RNF213: variants seen among roughly 807,000 people sequenced by gnomAD.
The protein encoded by RNF213 is ring finger protein 213, also known as E3 ubiquitin-protein ligase RNF213.
Under a neutral mutation model 514.4 loss-of-function variants are expected in RNF213, and 341 were observed. The ratio of observed to expected loss-of-function variants is 0.66; its 90% CI spans 0.61 to 0.73. The LOEUF (loss-of-function observed/expected upper bound fraction) is 0.73, where lower values mean the gene tolerates loss of function less well. RNF213 is among the 30% of genes least tolerant of loss of function. The pLI is 0.00. For missense variants in RNF213, 5,767 were observed against 6,615.6 expected, an observed-to-expected ratio of 0.87 and a Z score of 4.45; for synonymous variants, 2,655 against 2,658.2, an observed-to-expected ratio of 1.00 and a Z score of 0.04.
chr17:80,274,485 T>G (rs2043943589), intron 3 of RNF213, among the ~76,000 whole-genome samples: 1 of 143,630 alleles, frequency 7.0e-6, no homozygotes, highest in Admixed American at 7.1e-5. Flanking sequence ...GCTGTCTTTC[T>G]GTGTCTGCAC....
rs774625268 is a variant in RNF213 at position 80,306,222 on chromosome 17, C to CT, written c.2211-26dup. 3.1e-6 allele frequency: 5 copies of CT among 1,606,192 alleles called. No homozygotes were observed. In the African/African-American group the frequency reaches 5.4e-5, roughly 17 times the overall value. ...TTCCCTCACTGATCTCACTGCGTCTCTTTTCTCCGTCCCTATTTCTCTTAT... is the reference window on the plus strand; with the variant it reads ...TTCCCTCACTGATCTCACTGCGTCTCTTTTTCTCCGTCCCTATTTCTCTTAT... On this transcript the variant is annotated intron_variant, in intron 11 of 67. Transcript: ENST00000582970.
At chr17:80,282,256 T>C (rs10871508) in intron 3 of RNF213, among the ~76,000 whole-genome samples, 62,716 of 151,552 alleles carry the variant, frequency 0.41, 13,258 homozygotes, top group East Asian at 0.49. Context: ...GCGGTGTTGC[T>C]CTTTGTGTTC....
At chr17:80,384,007 G>A (rs748735262) in intron 59 of RNF213, 79 bp downstream of exon 59, 62 of 1,543,740 alleles carry the variant, frequency 4.0e-5, no homozygotes, top group Middle Eastern at 3.7e-4. Context: ...GGGCTTTTAC[G>A]TAGTATAATC....
chr17:80,352,787 C>A, intron 32 of RNF213, 153 bp from the exon 33 acceptor site: 2 of 1,159,940 alleles, frequency 1.7e-6, no homozygotes, highest in Non-Finnish European at 2.6e-6. Flanking sequence ...GTGGTTTCTG[C>A]GCAGGCCCAT....
At chr17:80,371,009 ATTTT>A (rs34235051) in intron 46 of RNF213, among the ~76,000 whole-genome samples, 1 of 151,094 alleles carries the variant, frequency 6.6e-6, no homozygotes, top group Non-Finnish European at 1.5e-5. Flanking sequence ...ATGAATATGG[ATTTT>A]TTTTTTTAAA....
At position 80,393,718 on chromosome 17, in the gene RNF213, CATTTT is replaced by C; in HGVS notation, c.*223_*227del. The C allele has an allele frequency of 1.9e-6, 1 of 537,686 alleles. No individual in the cohort carries two copies. The highest frequency in any genetic ancestry group is 3.4e-6 in the Non-Finnish European group (1 of 297,190). 33.3% of individuals were successfully genotyped at this position (537,686 alleles called of 1,614,324 possible). ...CATACATGTTCTGAAACTTTCTCAT[CATTTT>C]ATGAGTACTGTTCATTGAGAGATGA... On this transcript the variant is annotated 3_prime_UTR_variant, in exon 68 of 68. Coordinates refer to ENST00000582970, the MANE Select transcript of RNF213 (RefSeq NM_001256071.3).
chr17:80,339,086 C>A, intron 25 of RNF213, 115 bp from the exon 26 acceptor site: 9 of 772,000 alleles, frequency 1.2e-5, no homozygotes, highest in South Asian at 4.2e-5. Context: ...GCAGATCATG[C>A]AGTGGGCCTG....
At chr17:80,384,017 C>T in intron 59 of RNF213, 89 bp downstream of exon 59, 1 of 1,486,896 alleles carries the variant, frequency 6.7e-7, no homozygotes, top group Non-Finnish European at 9.4e-7. Context: ...GTAGTATAAT[C>T]ATTCTTAACA....
At position 80,376,365 on chromosome 17, in the gene RNF213, G is replaced by A. The variant is rs150148627; in HGVS notation, c.13250G>A (p.Arg4417His). ...CKILSPPDISRFATSLVDNSV... is the reference protein window; with the variant it reads ...CKILSPPDISHFATSLVDNSV... ...ATCCTTTCACCTCCTGATATCAGCC[G>A]TTTTGCAACATCGCTCGTGGACAAT... is the stretch of plus-strand genomic sequence containing the variant. The change falls in exon 52 of 68, where the codon CGT becomes CAT. Residue 4417 changes from arginine (R) to histidine (H), a missense_variant. Physicochemically the swap from Arg to His is conservative, Grantham distance 29 (BLOSUM62 0). Coordinates refer to ENST00000582970, the MANE Select transcript of RNF213 (RefSeq NM_001256071.3). 1,131 of 1,614,176 alleles carry A rather than the reference G, an allele frequency of 7.0e-4. 4 individuals carry two copies. Among genetic ancestry groups the A allele is most frequent in the South Asian group, 1.5e-3 (134 of 91,080 alleles).
intron 11 of RNF213, among the ~76,000 whole-genome samples, chr17:80,301,863 A>G (rs1698002278): frequency 6.6e-6 from 1 of 152,228 alleles, no homozygotes; most frequent in Admixed American, 6.5e-5. Context: ...CTCAATAGCC[A>G]TAATATGGAA....
intron 20 of RNF213, 74 bp from the exon 21 acceptor site, chr17:80,331,932 G>A: frequency 1.4e-6 from 2 of 1,473,934 alleles, no homozygotes; most frequent in Non-Finnish European, 1.8e-6. Context: ...AGGAGAGAAA[G>A]TCTTAGGAAA....
chr17:80,273,417 C>T lies in RNF213; in HGVS notation c.261+13C>T, dbSNP rs1047801385. ...GACCGTCCAAGAAGTGAGTGCACTG[C>T]CTCGGCTCCCCTCCGCCCCCGCTCA... On this transcript the variant is annotated intron_variant, in intron 3 of 67. Transcript: ENST00000582970. 3.7e-6 allele frequency: 6 copies of T among 1,611,244 alleles called. No homozygotes were observed. Among genetic ancestry groups the T allele is most frequent in the Non-Finnish European group, 5.1e-6 (6 of 1,179,728 alleles).
chr17:80,310,434 G>C (rs1485144118), intron 14 of RNF213, among the ~76,000 whole-genome samples: 2 of 151,126 alleles, frequency 1.3e-5, no homozygotes, highest in Non-Finnish European at 2.9e-5. Context: ...TGTATTTTTA[G>C]TAGAGACAGG....
intron 8 of RNF213, 123 bp from the exon 9 acceptor site, chr17:80,294,597 T>A: frequency 8.0e-7 from 1 of 1,244,766 alleles, no homozygotes; most frequent in South Asian, 1.2e-5. Context: ...TTTCCCTTCC[T>A]CCCTTCCTCT....
chr17:80,332,793 CTTTG>C (rs2046451997), intron 21 of RNF213, among the ~76,000 whole-genome samples, 162 bp downstream of exon 21: 1 of 152,088 alleles, frequency 6.6e-6, no homozygotes, highest in African/African-American at 2.4e-5. Context: ...ATCCCAAGGG[CTTTG>C]TTTTTACCTT....
chr17:80,386,971 G>A, intron 63 of RNF213, 80 bp downstream of exon 63: 1 of 1,372,950 alleles, frequency 7.3e-7, no homozygotes, highest in Non-Finnish European at 1.0e-6. Flanking sequence ...TCTCGAGAGA[G>A]GGAAGCAGCA....
rs546556913 is a variant in RNF213 at position 80,349,787 on chromosome 17, G to A, written c.9969G>A (p.Arg3323=). The change falls in exon 30 of 68, where the codon AGG becomes AGA. Residue 3323 remains arginine, a synonymous_variant. Coordinates refer to ENST00000582970, the MANE Select transcript of RNF213 (RefSeq NM_001256071.3). ...CTCTGTAGATCACCACTTTCTCCAGGCTGCTAACAAGTCACGACTGTGAAA... is the reference window on the plus strand; with the variant it reads ...CTCTGTAGATCACCACTTTCTCCAGACTGCTAACAAGTCACGACTGTGAAA... The part of the protein sequence containing the change: ...AIFTEITTFS[R]LLTSHDCEIL... The A allele has an allele frequency of 3.1e-6, 5 of 1,614,148 alleles. No individual in the cohort carries two copies. In the African/African-American group the frequency reaches 6.7e-5, roughly 22 times the overall value.
chr17:80,260,931 G>A (rs1274977711), intron 1 of RNF213, 29 bp downstream of exon 1: 2 of 151,778 alleles, frequency 1.3e-5, no homozygotes, highest in Admixed American at 1.3e-4. Context: ...AGTCTCCCGG[G>A]GCGGGGAGCG....
chr17:80,380,168 T>C (rs2079929758), intron 55 of RNF213, among the ~76,000 whole-genome samples: 1 of 152,206 alleles, frequency 6.6e-6, no homozygotes, highest in South Asian at 2.1e-4. Flanking sequence ...GACATAGTCT[T>C]ATGAAATACC....
Sources: gnomAD v4.1 joint callset for allele counts (sites outside exome capture counted in the v4.1 genomes callset) on GRCh38, gnomAD v4.1.1 for gene constraint, MANE v1.5 for transcripts, NCBI Gene and HGNC (gene_info 2026-07-23, HGNC 2026-07-21) for gene names.